Variants in SLAIN2 observed in about 807,000 individuals in gnomAD.
SLAIN2 encodes SLAIN motif-containing protein 2.
In SLAIN2, 31 loss-of-function variants were observed where a neutral mutation model predicts 56.6. The ratio of observed to expected loss-of-function variants is 0.55; its 90% confidence interval spans 0.41 to 0.74. SLAIN2 has a LOEUF of 0.74. SLAIN2 is among the 30% of genes least tolerant of loss of function. The pLI, the probability that SLAIN2 is intolerant of heterozygous loss-of-function variation, is 0.00. For missense variants in SLAIN2, 777 were observed against 754.2 expected (o/e 1.03, Z -0.35); for synonymous variants, 317 against 284.9 (o/e 1.11, Z -1.13).
intron 1 of SLAIN2, among the ~76,000 whole-genome samples, chr4:48,347,305 T>C (rs1016064950): frequency 1.3e-5 from 2 of 152,210 alleles, no homozygotes. Context: ...TACAGCTCAC[T>C]GCAGCTTCAG....
intron 4 of SLAIN2, among the ~76,000 whole-genome samples, chr4:48,381,299 C>T (rs1344972988): frequency 2.0e-5 from 3 of 151,996 alleles, no homozygotes; most frequent in Non-Finnish European, 4.4e-5. Context: ...TATTTATTTT[C>T]CTGATGAGTA....
intron 1 of SLAIN2, among the ~76,000 whole-genome samples, chr4:48,363,883 G>A (rs1316638320): frequency 4.4e-5 from 6 of 137,188 alleles, no homozygotes; most frequent in Admixed American, 7.1e-5. Context: ...GGGCAGAGGC[G>A]CCCCTCACCT....
At chr4:48,406,552 A>C (rs1265439396) in intron 6 of SLAIN2, among the ~76,000 whole-genome samples, 2 of 137,562 alleles carry the variant, frequency 1.5e-5, no homozygotes, top group African/African-American at 2.7e-5. Flanking sequence ...TTTTAAGTTA[A>C]GCTATATCCA....
In SLAIN2 at chr4:48,383,739, G is replaced by T. The variant is rs777704443; in HGVS notation, c.1315G>T (p.Val439Leu). 1.2e-6 allele frequency: 2 copies of T among 1,612,112 alleles called. No individual in the cohort carries two copies. The highest frequency in any genetic ancestry group is 2.2e-5 in the South Asian group (2 of 90,702). ...CAGCAGAAGTGACTCAAATTTTCAA[G>T]TGCCAAACGGAGGAATACCTCGTAT... ...KSSRSDSNFQ[V>L]PNGGIPRMQP... is the part of the protein sequence containing the mutation. The change falls in exon 6 of 8, where the codon GTG (valine) becomes TTG (leucine). Residue 439 changes from valine (V) to leucine (L), a missense_variant. Physicochemically the swap from Val to Leu is conservative, Grantham distance 32. Coordinates refer to ENST00000264313, the MANE Select transcript of SLAIN2 (RefSeq NM_020846.2).
At chr4:48,365,602 C>G (rs1039148130) in intron 1 of SLAIN2, among the ~76,000 whole-genome samples, 2 of 151,044 alleles carry the variant, frequency 1.3e-5, no homozygotes, top group Admixed American at 1.3e-4. Flanking sequence ...GCTCTGTTGC[C>G]CAGGGTGGAG....
intron 6 of SLAIN2, among the ~76,000 whole-genome samples, chr4:48,414,335 C>G (rs1716939609): frequency 6.6e-6 from 1 of 152,212 alleles, no homozygotes; most frequent in Middle Eastern, 3.4e-3. Context: ...GAATATCCAT[C>G]TAGGAAATTC....
intron 3 of SLAIN2, 21 bp from the exon 4 acceptor site, chr4:48,379,669 T>C: frequency 7.2e-7 from 1 of 1,393,478 alleles, no homozygotes; most frequent in Non-Finnish European, 9.4e-7. Context: ...GTTTGAATTT[T>C]TTTCTTTTTT....
chr4:48,352,359 C>T (rs950603491), intron 1 of SLAIN2, among the ~76,000 whole-genome samples: 1 of 152,116 alleles, frequency 6.6e-6, no homozygotes, highest in Non-Finnish European at 1.5e-5. Context: ...TCACATCAAG[C>T]TAAATGATTA....
At chr4:48,361,835 ATT>A (rs1223651185) in intron 1 of SLAIN2, among the ~76,000 whole-genome samples, 1 of 151,296 alleles carries the variant, frequency 6.6e-6, no homozygotes, top group African/African-American at 2.4e-5. Context: ...TCTTCTTTTA[ATT>A]TCTCTCAGCA....
At chr4:48,347,970 A>C (rs1176642280) in intron 1 of SLAIN2, among the ~76,000 whole-genome samples, 1 of 152,244 alleles carries the variant, frequency 6.6e-6, no homozygotes, top group Non-Finnish European at 1.5e-5. Context: ...AAAAGAAACT[A>C]AACCCAAAGT....
intron 6 of SLAIN2, among the ~76,000 whole-genome samples, chr4:48,395,414 T>C (rs1425702241): frequency 5.3e-5 from 8 of 151,042 alleles, no homozygotes; most frequent in Non-Finnish European, 3.0e-5. Context: ...CTAAAGAAAA[T>C]TACGCAGGAA....
At chr4:48,384,334 C>T (rs530604283) in intron 6 of SLAIN2, among the ~76,000 whole-genome samples, 1 of 152,222 alleles carries the variant, frequency 6.6e-6, no homozygotes, top group East Asian at 1.9e-4. Context: ...TGGATGATCT[C>T]ATTTTATTTC....
At chr4:48,353,603 C>T (rs560696718) in intron 1 of SLAIN2, among the ~76,000 whole-genome samples, 94 of 152,002 alleles carry the variant, frequency 6.2e-4, no homozygotes, top group African/African-American at 2.2e-3. Flanking sequence ...GTTTTTTTTA[C>T]TGGAGTAAAG....
chr4:48,406,523 CTCTTT>C (rs1261728686), intron 6 of SLAIN2, among the ~76,000 whole-genome samples: 3 of 114,174 alleles, frequency 2.6e-5, no homozygotes, highest in African/African-American at 6.0e-5. Flanking sequence ...TGCTCTCTCT[CTCTTT>C]TTTTTTTTTT....
At chr4:48,408,667 T>C (rs1716767438) in intron 6 of SLAIN2, among the ~76,000 whole-genome samples, 1 of 152,106 alleles carries the variant, frequency 6.6e-6, no homozygotes, top group Admixed American at 6.6e-5. Context: ...CTATGTGTTA[T>C]TACAAAAGAG....
chr4:48,387,159 T>C (rs1391446735), intron 6 of SLAIN2, among the ~76,000 whole-genome samples: 1 of 152,124 alleles, frequency 6.6e-6, no homozygotes, highest in African/African-American at 2.4e-5. Context: ...TATTCTAGCA[T>C]GTCAAAGCTT....
intron 1 of SLAIN2, among the ~76,000 whole-genome samples, chr4:48,342,592 G>T (rs189138894): frequency 6.1e-4 from 93 of 152,194 alleles, no homozygotes; most frequent in African/African-American, 2.1e-3. Context: ...CGTCTATGCA[G>T]CGGTTGGTGT....
At chr4:48,414,550 ATT>A (rs36222817) in intron 6 of SLAIN2, among the ~76,000 whole-genome samples, 1,791 of 136,912 alleles carry the variant, frequency 0.013, 21 homozygotes, top group African/African-American at 0.045. Flanking sequence ...TTGGTGTGGT[ATT>A]TTTTTTTTTT....
At chr4:48,387,953 A>G (rs946701433) in intron 6 of SLAIN2, among the ~76,000 whole-genome samples, 1 of 152,102 alleles carries the variant, frequency 6.6e-6, no homozygotes, top group Non-Finnish European at 1.5e-5. Flanking sequence ...AGTGTAACAG[A>G]TGTTGCATTT....
Sources: gnomAD v4.1 joint callset for allele counts (sites outside exome capture counted in the v4.1 genomes callset) on GRCh38, gnomAD v4.1.1 for gene constraint, MANE v1.5 for transcripts, NCBI Gene and HGNC (gene_info 2026-07-23, HGNC 2026-07-21) for gene names.